ATP10B: variants seen among roughly 807,000 people sequenced by gnomAD.
The protein encoded by ATP10B is ATPase phospholipid transporting 10B (putative).
A neutral mutation model predicts 141.2 loss-of-function variants in ATP10B; 122 were observed. That is an observed-to-expected ratio of 0.86 (90% CI 0.75 to 1.00). The LOEUF (loss-of-function observed/expected upper bound fraction) is 1.00. Among genes scored for constraint, ATP10B ranks in the 50% least tolerant of loss-of-function variants. The probability of loss-of-function intolerance (pLI) is 0.00; values close to 1 mark genes in which losing one functional copy is unlikely to be tolerated. For missense variants in ATP10B, 1,876 were observed against 1,825.3 expected (o/e 1.03, Z -0.51); for synonymous variants, 685 against 692.0 (o/e 0.99, Z 0.16).
At chr5:160,787,125 C>T (rs1561853072) in intron 1 of ATP10B, among the ~76,000 whole-genome samples, 1 of 89,900 alleles carries the variant, frequency 1.1e-5, no homozygotes, top group Non-Finnish European at 3.3e-5. Context: ...CACACACACA[C>T]ACACACACAC....
At chr5:160,755,814 CAAAAAAAAAAAAAAAA>C (rs763385041) in intron 2 of ATP10B, among the ~76,000 whole-genome samples, 360 of 48,026 alleles carry the variant, frequency 7.5e-3, no homozygotes, top group South Asian at 0.017. Context: ...GACTCCGTCT[CAAAAAAAAAAAAAAAA>C]AAAAAAAAAT....
intron 24 of ATP10B, among the ~76,000 whole-genome samples, chr5:160,576,846 G>A (rs923994703): frequency 1.4e-4 from 21 of 152,198 alleles, no homozygotes; most frequent in Admixed American, 3.9e-4. Flanking sequence ...TTACAGGTTC[G>A]TAAGTGAGGA....
At chr5:160,847,669 G>A (rs756257943) in intron 1 of ATP10B, among the ~76,000 whole-genome samples, 2 of 152,172 alleles carry the variant, frequency 1.3e-5, no homozygotes, top group Non-Finnish European at 2.9e-5. Flanking sequence ...GAATTTTTCA[G>A]AATTTCTTAT....
At chr5:160,640,898 T>C (rs76875231) in intron 9 of ATP10B, among the ~76,000 whole-genome samples, 108 of 152,278 alleles carry the variant, frequency 7.1e-4, no homozygotes, top group African/African-American at 2.5e-3. Flanking sequence ...TTGCCAAAGA[T>C]TTATAAGTTT....
At chr5:160,715,272 G>A (rs1410137555) in intron 3 of ATP10B, among the ~76,000 whole-genome samples, 3 of 127,826 alleles carry the variant, frequency 2.3e-5, no homozygotes, top group East Asian at 2.1e-4. Flanking sequence ...GCGAGATTCC[G>A]TGGGCGTAGA....
chr5:160,578,632 G>A (rs1051810970), intron 24 of ATP10B, among the ~76,000 whole-genome samples: 10 of 152,094 alleles, frequency 6.6e-5, no homozygotes, highest in African/African-American at 2.4e-4. Context: ...TTGCTATTGT[G>A]AACAGAGCTG....
At chr5:160,878,202 A>T in the ATP10B span, among the ~76,000 whole-genome samples, 2 of 151,092 alleles carry the variant, frequency 1.3e-5, no homozygotes, top group East Asian at 3.9e-4. Flanking sequence ...TCAATGGAAC[A>T]GAACAGAGCC....
chr5:160,674,048 A>T (rs1762886193), intron 6 of ATP10B, among the ~76,000 whole-genome samples: 1 of 152,102 alleles, frequency 6.6e-6, no homozygotes, highest in Non-Finnish European at 1.5e-5. Flanking sequence ...CCTACTGGAT[A>T]ATGCCTTTGG....
chr5:160,709,337 G>A (rs544071290), intron 3 of ATP10B, among the ~76,000 whole-genome samples: 122 of 152,192 alleles, frequency 8.0e-4, no homozygotes, highest in African/African-American at 2.8e-3. Context: ...AACATTATTA[G>A]ATACACAAAT....
chr5:160,715,103 C>A (rs1765524047), intron 3 of ATP10B, among the ~76,000 whole-genome samples: 1 of 147,818 alleles, frequency 6.8e-6, no homozygotes, highest in African/African-American at 2.5e-5. Context: ...GTGGAGCCTA[C>A]AGAGGCAGGC....
At position 160,636,165 on chromosome 5, in the gene ATP10B, TAGGG is replaced by T; in HGVS notation, c.1128+13_1128+16del. The T allele has an allele frequency of 6.3e-7, 1 of 1,586,348 alleles. No homozygotes were observed. Among genetic ancestry groups the T allele is most frequent in the Non-Finnish European group, 8.6e-7 (1 of 1,167,646 alleles). ...CCACATATCTTATTGGGCCCCTAGT[TAGGG>T]AGGGCTTCCTACCTGGAGCAGGATG... is the stretch of plus-strand genomic sequence containing the variant. On this transcript the variant is annotated intron_variant, in intron 11 of 25. Transcript: ENST00000327245.
intron 24 of ATP10B, among the ~76,000 whole-genome samples, chr5:160,571,768 G>A (rs541124783): frequency 6.6e-6 from 1 of 152,268 alleles, no homozygotes; most frequent in African/African-American, 2.4e-5. Flanking sequence ...TGAAAGTTTG[G>A]CTCACCCAGG....
At chr5:160,761,087 G>C (rs1768996337) in intron 2 of ATP10B, among the ~76,000 whole-genome samples, 1 of 151,948 alleles carries the variant, frequency 6.6e-6, no homozygotes, top group African/African-American at 2.4e-5. Context: ...AGTACTTTTG[G>C]AGTACTCAAG....
At chr5:160,912,975 C>T in the ATP10B span, among the ~76,000 whole-genome samples, 1 of 152,214 alleles carries the variant, frequency 6.6e-6, no homozygotes, top group Non-Finnish European at 1.5e-5. Context: ...GACAAGAGGA[C>T]ATGCTGGCCA....
chr5:160,580,271 G>T (rs1017810252), intron 24 of ATP10B, among the ~76,000 whole-genome samples: 7 of 152,118 alleles, frequency 4.6e-5, no homozygotes, highest in African/African-American at 1.7e-4. Context: ...TCCAGCTTTT[G>T]CCCATTCAGT....
chr5:160,671,313 G>A (rs1762693461), intron 6 of ATP10B, among the ~76,000 whole-genome samples: 1 of 152,052 alleles, frequency 6.6e-6, no homozygotes, highest in African/African-American at 2.4e-5. Flanking sequence ...AAAGGAGAAG[G>A]TAACTGTATT....
chr5:160,882,270 C>T, the ATP10B span, among the ~76,000 whole-genome samples: 8 of 152,144 alleles, frequency 5.3e-5, no homozygotes, highest in East Asian at 1.9e-4. Context: ...ATACTTAAGA[C>T]GTGTCAGTGT....
At chr5:160,726,828 C>A (rs1277640671) in intron 2 of ATP10B, among the ~76,000 whole-genome samples, 1 of 152,120 alleles carries the variant, frequency 6.6e-6, no homozygotes, top group East Asian at 1.9e-4. Flanking sequence ...ACTCATCCCT[C>A]TGCTCACAGA....
At chr5:160,571,499 T>C (rs1754874336) in intron 24 of ATP10B, among the ~76,000 whole-genome samples, 2 of 152,350 alleles carry the variant, frequency 1.3e-5, no homozygotes, top group Non-Finnish European at 1.5e-5. Context: ...TTCCTTTAAT[T>C]TATATTTGAT....
Sources: gnomAD v4.1 joint callset for allele counts (sites outside exome capture counted in the v4.1 genomes callset) on GRCh38, gnomAD v4.1.1 for gene constraint, MANE v1.5 for transcripts, NCBI Gene and HGNC (gene_info 2026-07-23, HGNC 2026-07-21) for gene names.